The following NLGN4Y variants were observed in gnomAD, a reference collection of about 807,000 sequenced individuals.
NLGN4Y encodes neuroligin 4 Y-linked, also known as neuroligin-4, Y-linked.
NLGN4Y carries 4 observed loss-of-function variants against 8.4 expected under a neutral mutation model. The ratio of observed to expected loss-of-function variants is 0.48; its 90% CI spans 0.23 to 1.09. NLGN4Y has a LOEUF of 1.09. NLGN4Y is among the 50% of genes least tolerant of loss of function. The pLI, the probability that NLGN4Y is intolerant of heterozygous loss-of-function variation, is 0.19. For synonymous variants in NLGN4Y, 35 were observed against 75.6 expected, an observed-to-expected ratio of 0.46 and a Z score of 2.78; for missense variants, 90 against 192.3, an observed-to-expected ratio of 0.47 and a Z score of 3.15.
intron 1 of NLGN4Y, among the ~76,000 whole-genome samples, chrY:14,609,345 G>T: frequency 9.0e-5 from 3 of 33,366 alleles, no homozygotes; most frequent in African/African-American, 3.5e-4. Context: ...TTGGCTATGG[G>T]TTTGTCATAA....
intron 1 of NLGN4Y, among the ~76,000 whole-genome samples, chrY:14,591,930 C>T (rs2080373136): frequency 6.0e-5 from 2 of 33,093 alleles, no homozygotes; most frequent in Admixed American, 2.8e-4. Context: ...TCTTTTCCTT[C>T]GTAACGAGGG....
chrY:14,589,323 G>A (rs768205098), intron 1 of NLGN4Y, among the ~76,000 whole-genome samples: 2 of 33,456 alleles, frequency 6.0e-5, no homozygotes, highest in East Asian at 8.2e-4. Context: ...ACAGAGTGTC[G>A]ATTGGTTCAT....
rs2081010668 is a variant in NLGN4Y at position 14,742,810 on chromosome Y, AAC to A, written c.685+19547_685+19548del. ...CACATATAACTCTTCTGAGGTTATA[AAC>A]ACACATATATTTATAACATAGAAAA... is the stretch of plus-strand genomic sequence containing the variant. On this transcript the variant is annotated intron_variant, in intron 4 of 6. Transcript: ENST00000684976. Among the ~76,000 whole-genome samples the A allele has an allele frequency of 1.5e-4, 5 of 32,599 alleles. No homozygotes were observed. The South Asian group carries it at 3.4e-3, about 22-fold the overall frequency. 87.5% of individuals were successfully genotyped at this position (32,599 alleles called of 37,273 possible).
At chrY:14,625,295 C>T (rs1033973631) in intron 2 of NLGN4Y, among the ~76,000 whole-genome samples, 1 of 32,952 alleles carries the variant, frequency 3.0e-5, no homozygotes, top group African/African-American at 1.2e-4. Flanking sequence ...AGTCTTTATA[C>T]CTAATTACAA....
At chrY:14,651,427 A>G (rs2080629304) in intron 2 of NLGN4Y, among the ~76,000 whole-genome samples, 1 of 33,538 alleles carries the variant, frequency 3.0e-5, no homozygotes, top group African/African-American at 1.2e-4. Context: ...TTATGTATTA[A>G]TTAATTATTA....
At chrY:14,639,779 G>A (rs374670832) in intron 2 of NLGN4Y, 4 of 141,431 alleles carry the variant, frequency 2.8e-5, no homozygotes, top group African/African-American at 9.3e-5. Context: ...GGTATCTTGC[G>A]CCTCTAAAAA....
chrY:14,713,588 A>G, intron 2 of NLGN4Y, among the ~76,000 whole-genome samples: 1 of 33,772 alleles, frequency 3.0e-5, no homozygotes, highest in East Asian at 7.8e-4. Flanking sequence ...CTGGGACTAC[A>G]GGATGTACCA....
At chrY:14,662,116 G>A in intron 2 of NLGN4Y, among the ~76,000 whole-genome samples, 1 of 33,914 alleles carries the variant, frequency 2.9e-5, no homozygotes, top group Non-Finnish European at 7.3e-5. Context: ...GATGTTCACA[G>A]CTTTTCAAAT....
chrY:14,739,623 G>C (rs979037170), intron 4 of NLGN4Y, among the ~76,000 whole-genome samples: 3 of 33,144 alleles, frequency 9.1e-5, no homozygotes, highest in Non-Finnish European at 1.5e-4. Flanking sequence ...ACCAAGGACA[G>C]GTGGACACTT....
chrY:14,618,123 GA>G (rs770476831), intron 1 of NLGN4Y, among the ~76,000 whole-genome samples: 13 of 16,902 alleles, frequency 7.7e-4, no homozygotes, highest in Admixed American at 3.5e-3. Flanking sequence ...ACTGGATTAT[GA>G]AAAAAAAAAA....
At chrY:14,544,244 C>G (rs2150466308) in intron 1 of NLGN4Y, among the ~76,000 whole-genome samples, 1 of 33,270 alleles carries the variant, frequency 3.0e-5, no homozygotes, top group Admixed American at 2.8e-4. Context: ...GGCATTATTT[C>G]TCTCCCCATG....
intron 1 of NLGN4Y, among the ~76,000 whole-genome samples, chrY:14,529,859 A>G (rs895923317): frequency 1.0e-4 from 3 of 29,651 alleles, no homozygotes; most frequent in Non-Finnish European, 1.6e-4. Context: ...ATGCCAACAC[A>G]CTAACTAGGA....
At chrY:14,597,650 T>C in intron 1 of NLGN4Y, among the ~76,000 whole-genome samples, 1 of 32,131 alleles carries the variant, frequency 3.1e-5, no homozygotes, top group African/African-American at 1.2e-4. Flanking sequence ...TTGAGCTAGA[T>C]AGAGAGTGCC....
In NLGN4Y at chrY:14,815,514, T is replaced by C. The variant is rs769048656; in HGVS notation, c.686-8674T>C. Reference sequence around the variant, plus strand: ...TGTATGGGTGACTCACAAGTTGCTATGATCTGTTGGTGGTTGAAGTTGTAG... The same window carrying C: ...TGTATGGGTGACTCACAAGTTGCTACGATCTGTTGGTGGTTGAAGTTGTAG... On this transcript the variant is annotated intron_variant, in intron 4 of 6. Transcript: ENST00000684976. 3.9e-4 allele frequency among the ~76,000 whole-genome samples: 13 copies of C among 33,547 alleles called. No homozygotes were observed. In the South Asian group the frequency reaches 8.8e-3, roughly 23 times the overall value. The allele number at this position is 33,547 out of a possible 37,273, so 90.0% of individuals were successfully genotyped here. A position where few individuals can be genotyped will look rare whatever the true frequency, so the allele number is the denominator to read the frequency against.
intron 2 of NLGN4Y, among the ~76,000 whole-genome samples, chrY:14,675,134 C>G (rs1044435482): frequency 3.0e-5 from 1 of 33,432 alleles, no homozygotes; most frequent in African/African-American, 1.2e-4. Context: ...CACAACCATA[C>G]TCAGTTACCT....
At chrY:14,552,603 G>T (rs1021316825) in intron 1 of NLGN4Y, among the ~76,000 whole-genome samples, 1 of 33,508 alleles carries the variant, frequency 3.0e-5, no homozygotes, top group African/African-American at 1.2e-4. Flanking sequence ...TTCATCAATG[G>T]GATGGAAGTC....
intron 1 of NLGN4Y, among the ~76,000 whole-genome samples, chrY:14,585,355 A>C: frequency 3.0e-5 from 1 of 33,631 alleles, no homozygotes; most frequent in Non-Finnish European, 7.3e-5. Flanking sequence ...ATAAATAAAG[A>C]GGAAACTTGG....
At chrY:14,551,882 A>T in intron 1 of NLGN4Y, among the ~76,000 whole-genome samples, 1 of 33,599 alleles carries the variant, frequency 3.0e-5, no homozygotes, top group African/African-American at 1.2e-4. Context: ...CTGGAAAAAC[A>T]AGAGCAAACA....
intron 1 of NLGN4Y, among the ~76,000 whole-genome samples, chrY:14,541,670 A>T: frequency 3.0e-5 from 1 of 33,695 alleles, no homozygotes; most frequent in Non-Finnish European, 7.3e-5. Flanking sequence ...TAAAGAAAAG[A>T]ATTTTCAACC....
Sources: allele counts gnomAD v4.1 joint callset (sites outside exome capture counted in the v4.1 genomes callset), GRCh38; gene constraint gnomAD v4.1.1; transcripts MANE v1.5; gene names NCBI Gene and HGNC (gene_info 2026-07-23, HGNC 2026-07-21).